Variants in GAL3ST3 observed in about 807,000 individuals in gnomAD.
GAL3ST3 encodes beta-galactose-3-O-sulfotransferase 3.
In GAL3ST3, 21 loss-of-function variants were observed where a neutral mutation model predicts 20.8. The observed-to-expected ratio is 1.01, with a 90% CI of 0.72 to 1.45. The LOEUF is 1.45. Ranked by LOEUF, GAL3ST3 falls within the 40% of genes most tolerant of loss-of-function variation. The pLI is 0.00. For synonymous variants in GAL3ST3, 355 were observed against 307.2 expected (o/e 1.16, Z -1.63); for missense variants, 739 against 662.7 (o/e 1.12, Z -1.26).
rs759592461 is a variant in GAL3ST3, at chr11:66,042,978, GC to G, written c.824del (p.Arg275ProfsTer186). The G allele has an allele frequency of 8.3e-6, 13 of 1,564,080 alleles. No individual in the cohort carries two copies. Among genetic ancestry groups the G allele is most frequent in the Non-Finnish European group, 9.5e-6 (11 of 1,160,556 alleles). ...CCAGCGCCGCGGGGATGGCGGCCAG[GC>G]GCGAGCTGGCGGCGCGCGCGTTGAG... ...AKLNARAASSRLAAIPAALAR... is the reference protein window; with the variant it reads ...AKLNARAASSXLAAIPAALAR... On this transcript the variant is annotated frameshift_variant, in exon 3 of 3. Transcript: ENST00000312006. LOFTEE classifies it low-confidence loss of function (END_TRUNC).
chr11:66,043,850 C>G (rs1565081136), intron 2 of GAL3ST3, among the ~76,000 whole-genome samples, 173 bp from the exon 3 acceptor site: 1 of 152,144 alleles, frequency 6.6e-6, no homozygotes, highest in Non-Finnish European at 1.5e-5. Flanking sequence ...ATGATCCCTG[C>G]TGCCCTCCTG....
chr11:66,043,606 A>G lies in GAL3ST3; in HGVS notation c.197T>C (p.Val66Ala), dbSNP rs1357310537. ...CGTCTTGTGAGTCTTCAGGAAGGCCACAGTCATGTGCTTGGGGCGCGGCGG... is the reference window on the plus strand; with the variant it reads ...CGTCTTGTGAGTCTTCAGGAAGGCCGCAGTCATGTGCTTGGGGCGCGGCGG... ...NSPPRPKHMT[V>A]AFLKTHKTAG... The change falls in exon 3 of 3, where the codon GTG becomes GCG. Residue 66 changes from valine (V) to alanine (A), a missense_variant. Transcript: ENST00000312006. 6.2e-7 allele frequency: 1 copy of G among 1,612,754 alleles called. No individual in the cohort carries two copies. Among genetic ancestry groups the G allele is most frequent in the Non-Finnish European group, 8.5e-7 (1 of 1,179,862 alleles).
rs1856714132 is a variant in GAL3ST3 at position 66,042,363 on chromosome 11, T to C, written c.*144A>G. The C allele has an allele frequency of 6.3e-6, 4 of 633,866 alleles. No individual in the cohort carries two copies. Among genetic ancestry groups the C allele is most frequent in the Admixed American group, 3.6e-5 (1 of 27,550 alleles). The allele number at this position is 633,866 out of a possible 1,614,324, so 39.3% of individuals were successfully genotyped here. On this transcript the variant is annotated 3_prime_UTR_variant, in exon 3 of 3. Coordinates refer to ENST00000312006, the MANE Select transcript of GAL3ST3 (RefSeq NM_033036.3). ...CCACGATCGGGAGCGGGGGCTCAGA[T>C]AGGGAGGCGTACCCCAAAGTTCAGC...
rs1856725429 is a variant in GAL3ST3, at chr11:66,042,841, G to GCCTCGCGCT, written c.953_961dup (p.Glu318_Glu320dup). The GCCTCGCGCT allele has an allele frequency of 2.3e-6, 3 of 1,329,848 alleles. No homozygotes were observed. Among genetic ancestry groups the GCCTCGCGCT allele is most frequent in the Admixed American group, 4.3e-5 (1 of 23,304 alleles). The allele number at this position is 1,329,848 out of a possible 1,614,324, so 82.4% of individuals were successfully genotyped here. ...CTGGCGGGCCTCGCGCAGCTCGCGC[G>GCCTCGCGCT]CCTCGCGCTCCACGCACGCGCGGCC... is the stretch of plus-strand genomic sequence containing the variant. On this transcript the variant is annotated inframe_insertion, in exon 3 of 3. Transcript: ENST00000312006.
rs758918516 is a variant in GAL3ST3 at position 66,045,378 on chromosome 11, T to A, written c.38A>T (p.Lys13Met). Residue 13 changes from lysine (K) to methionine (M), a missense_variant, in exon 2 of 3, where the codon AAG becomes ATG. Physicochemically the swap from Lys to Met is moderately conservative, Grantham distance 95 (BLOSUM62 -1). Transcript: ENST00000312006. ...PILQRLQQAT[K>M]MMSRRKILLL... ...CAGGATTTTCCGGCGGCTCATCATC[T>A]TGGTGGCCTGCTGCAGGCGCTGGAG... 3 of 1,605,466 alleles carry A rather than the reference T, an allele frequency of 1.9e-6. No individual in the cohort carries two copies. In the South Asian group the frequency reaches 3.3e-5, roughly 18 times the overall value.
intron 1 of GAL3ST3, among the ~76,000 whole-genome samples, chr11:66,046,707 G>A (rs1009472271): frequency 6.6e-6 from 1 of 152,252 alleles, no homozygotes; most frequent in Non-Finnish European, 1.5e-5. Flanking sequence ...CACTTCAGCA[G>A]TGATGCCTGT....
intron 1 of GAL3ST3, 110 bp from the exon 2 acceptor site, chr11:66,045,637 G>A: frequency 2.5e-6 from 1 of 405,858 alleles, no homozygotes; most frequent in Non-Finnish European, 4.4e-6. Context: ...AGAGGCCAGG[G>A]CAGATCGGAT....
rs1590699219 is a variant in GAL3ST3, at chr11:66,043,152, C to T, written c.651G>A (p.Pro217=). Residue 217 remains proline, a synonymous_variant, in exon 3 of 3, where the codon CCG becomes CCA. Transcript: ENST00000312006. The part of the protein sequence containing the change: ...YDLGGDNERS[P]RDDAAYLAGL... Reference sequence around the variant, plus strand: ...CCGCCAGGTAGGCGGCGTCGTCGCGCGGGCTGCGCTCATTGTCGCCGCCCA... The same window carrying T: ...CCGCCAGGTAGGCGGCGTCGTCGCGTGGGCTGCGCTCATTGTCGCCGCCCA... 1 of 1,611,716 alleles carries T rather than the reference C, an allele frequency of 6.2e-7. No individual in the cohort carries two copies. Among genetic ancestry groups the T allele is most frequent in the East Asian group, 2.2e-5 (1 of 44,830 alleles).
Position 66,043,180 on chromosome 11 carries a change from T to C in GAL3ST3, c.623A>G (p.Asp208Gly), listed in dbSNP as rs1483345807. 6.2e-7 allele frequency: 1 copy of C among 1,611,932 alleles called. No individual in the cohort carries two copies. Among genetic ancestry groups the C allele is most frequent in the Non-Finnish European group, 8.5e-7 (1 of 1,179,430 alleles). The change falls in exon 3 of 3, where the codon GAC becomes GGC. Residue 208 changes from aspartate to glycine, a missense_variant. By Grantham distance (94) the Asp-to-Gly change is moderately conservative. Coordinates refer to ENST00000312006, the MANE Select transcript of GAL3ST3 (RefSeq NM_033036.3). ...AMFAHNTLAY[D>G]LGGDNERSPR... ...GCTGCGCTCATTGTCGCCGCCCAGG[T>C]CGTAGGCCAGCGTGTTGTGTGCGAA...
rs778328096 is a variant in GAL3ST3 at position 66,043,095 on chromosome 11, C to A, written c.708G>T (p.Ser236=). 2 of 1,611,968 alleles carry A rather than the reference C, an allele frequency of 1.2e-6. No homozygotes were observed. The highest frequency in any genetic ancestry group is 1.7e-6 in the Non-Finnish European group (2 of 1,179,440). Residue 236 remains serine, a synonymous_variant, in exon 3 of 3, where the codon TCG becomes TCT. Transcript: ENST00000312006. ...GLIRQVEEVF[S]LVMIAEYFDE... ...CGAAGTACTCGGCGATCATGACGAG[C>A]GAGAAAACCTCCTCCACCTGGCGGA...
In GAL3ST3 at chr11:66,042,641, C is replaced by T. The variant is rs1158789711; in HGVS notation, c.1162G>A (p.Glu388Lys). Residue 388 changes from glutamate to lysine, a missense_variant, in exon 3 of 3, where the codon GAG (glutamate) becomes AAG (lysine). Glu to Lys is a moderately conservative substitution (Grantham distance 56). Coordinates refer to ENST00000312006, the MANE Select transcript of GAL3ST3 (RefSeq NM_033036.3). ...AACAGGTAGTTCGAGTACTGGACCT[C>T]GGGCATGGCCAGCTTGAGGCAGGCC... ...TEACLKLAMP[E>K]VQYSNYLLRK... 2.0e-6 allele frequency: 3 copies of T among 1,535,684 alleles called. No individual in the cohort carries two copies. The highest frequency in any genetic ancestry group is 1.7e-4 in the Middle Eastern group (1 of 5,996).
chr11:66,042,447 C>A lies in GAL3ST3; in HGVS notation c.*60G>T. Reference sequence around the variant, plus strand: ...TCATGGGGGCAGGACATGGAGGCAGCCCCTGGCTGGACTCCTGGGAGGGCA... The same window carrying A: ...TCATGGGGGCAGGACATGGAGGCAGACCCTGGCTGGACTCCTGGGAGGGCA... On this transcript the variant is annotated 3_prime_UTR_variant, in exon 3 of 3. Transcript: ENST00000312006. The A allele has an allele frequency of 7.7e-7, 1 of 1,294,226 alleles. No homozygotes were observed. The highest frequency in any genetic ancestry group is 1.0e-6 in the Non-Finnish European group (1 of 983,716). The allele number at this position is 1,294,226 out of a possible 1,614,324, so 80.2% of individuals were successfully genotyped here. A position where few individuals can be genotyped will look rare whatever the true frequency, so the allele number is the denominator to read the frequency against.
Position 66,043,189 on chromosome 11 carries a change from A to G in GAL3ST3, c.614T>C (p.Leu205Pro). The G allele has an allele frequency of 6.2e-7, 1 of 1,612,168 alleles. No homozygotes were observed. ...ATTGTCGCCGCCCAGGTCGTAGGCCAGCGTGTTGTGTGCGAACATGGCGAA... is the reference window on the plus strand; with the variant it reads ...ATTGTCGCCGCCCAGGTCGTAGGCCGGCGTGTTGTGTGCGAACATGGCGAA... ...EHFAMFAHNTLAYDLGGDNER... is the reference protein window; with the variant it reads ...EHFAMFAHNTPAYDLGGDNER... The change falls in exon 3 of 3, where the codon CTG becomes CCG. Residue 205 changes from leucine to proline, a missense_variant. By Grantham distance (98) the Leu-to-Pro change is moderately conservative. Transcript: ENST00000312006.
intron 1 of GAL3ST3, among the ~76,000 whole-genome samples, chr11:66,047,983 T>A (rs1011818863): frequency 6.6e-6 from 1 of 152,110 alleles, no homozygotes. Flanking sequence ...CCAAGATGCC[T>A]GTTTTGGAGA....
In GAL3ST3 at chr11:66,043,297, C is replaced by A; in HGVS notation, c.506G>T (p.Cys169Phe). The change falls in exon 3 of 3, where the codon TGC becomes TTC. Residue 169 changes from cysteine to phenylalanine, a missense_variant. Cys to Phe is a radical substitution (Grantham distance 205). Coordinates refer to ENST00000312006, the MANE Select transcript of GAL3ST3 (RefSeq NM_033036.3). ...ESLFSYYNQY[C>F]PAFRRVPNAS... ...GTTGGGTACGCGCCGGAAGGCCGGG[C>A]AGTACTGGTTGTAGTAGCTGAAGAG... is the stretch of plus-strand genomic sequence containing the variant. 6.2e-7 allele frequency: 1 copy of A among 1,612,256 alleles called. No individual in the cohort carries two copies. The highest frequency in any genetic ancestry group is 8.5e-7 in the Non-Finnish European group (1 of 1,179,226).
chr11:66,045,425 C>G lies in GAL3ST3; in HGVS notation c.-10G>C. ...GGAGGATGGGTGGCATGGCGGAGTA[C>G]CCACCCCTGGACCAGCCAGGGCCTC... On this transcript the variant is annotated 5_prime_UTR_variant, in exon 2 of 3. Transcript: ENST00000312006. 1 of 1,592,670 alleles carries G rather than the reference C, an allele frequency of 6.3e-7. No homozygotes were observed. The highest frequency in any genetic ancestry group is 1.1e-5 in the South Asian group (1 of 87,260).
intron 1 of GAL3ST3, among the ~76,000 whole-genome samples, chr11:66,046,827 T>C (rs1391587597): frequency 6.6e-6 from 1 of 152,198 alleles, no homozygotes; most frequent in African/African-American, 2.4e-5. Context: ...GGCATGTGCA[T>C]GTGGAACTAG....
chr11:66,042,826 T>C lies in GAL3ST3; in HGVS notation c.977A>G (p.Glu326Gly). The change falls in exon 3 of 3, where the codon GAG becomes GGG. Residue 326 changes from glutamate (E) to glycine (G), a missense_variant. Physicochemically the swap from Glu to Gly is moderately conservative, Grantham distance 98. Transcript: ENST00000312006. Reference sequence around the variant, plus strand: ...GCGCCGCAGTAGGCGCTGGCGGGCCTCGCGCAGCTCGCGCGCCTCGCGCTC... The same window carrying C: ...GCGCCGCAGTAGGCGCTGGCGGGCCCCGCGCAGCTCGCGCGCCTCGCGCTC... ...CVEREARELR[E>G]ARQRLLRRCF... 7.3e-7 allele frequency: 1 copy of C among 1,369,730 alleles called. No homozygotes were observed. The highest frequency in any genetic ancestry group is 9.3e-7 in the Non-Finnish European group (1 of 1,070,752). 84.8% of individuals were successfully genotyped at this position (1,369,730 alleles called of 1,614,324 possible).
chr11:66,043,251 C>A lies in GAL3ST3; in HGVS notation c.552G>T (p.Leu184=). ...CGCGGTAGTATGCCTCGGGCGCGCG[C>A]AGGAAGGCCTCGAGCGAGGCGTTGG... The part of the protein sequence containing the change: ...RVPNASLEAF[L]RAPEAYYRAG... Residue 184 remains leucine (L), a synonymous_variant, in exon 3 of 3, where the codon CTG becomes CTT. Transcript: ENST00000312006. The A allele has an allele frequency of 1.2e-6, 2 of 1,612,246 alleles. No homozygotes were observed. Among genetic ancestry groups the A allele is most frequent in the Non-Finnish European group, 1.7e-6 (2 of 1,179,278 alleles).
Sources: allele counts gnomAD v4.1 joint callset (sites outside exome capture counted in the v4.1 genomes callset), GRCh38; gene constraint gnomAD v4.1.1; transcripts MANE v1.5; gene names NCBI Gene and HGNC (gene_info 2026-07-23, HGNC 2026-07-21).